The following DOCK10 variants were observed in gnomAD, a reference collection of about 807,000 sequenced individuals.
The protein encoded by DOCK10 is dedicator of cytokinesis protein 10.
Under a neutral mutation model 280.1 loss-of-function variants are expected in DOCK10, and 145 were observed. The ratio of observed to expected loss-of-function variants is 0.52; its 90% CI spans 0.45 to 0.59. DOCK10 has a LOEUF of 0.59. Ranked by LOEUF, DOCK10 falls within the 20% of genes least tolerant of loss-of-function variation. The probability of loss-of-function intolerance (pLI) is 0.00; values close to 1 mark genes in which losing one functional copy is unlikely to be tolerated. For missense variants in DOCK10, 2,368 were observed against 2,651.7 expected (o/e 0.89, Z 2.35); for synonymous variants, 915 against 942.2 (o/e 0.97, Z 0.53).
intron 50 of DOCK10, among the ~76,000 whole-genome samples, chr2:224,780,372 C>A (rs929473867): frequency 2.6e-5 from 4 of 152,138 alleles, no homozygotes; most frequent in Non-Finnish European, 5.9e-5. Flanking sequence ...ACTGACACAT[C>A]AGAGAAATAA....
At chr2:224,767,527 T>TAAA (rs1690139806) in intron 55 of DOCK10, among the ~76,000 whole-genome samples, 1 of 152,222 alleles carries the variant, frequency 6.6e-6, no homozygotes, top group Non-Finnish European at 1.5e-5. Flanking sequence ...TATGTTTTTT[T>TAAA]AAAGACTATG....
intron 7 of DOCK10, 108 bp from the exon 8 acceptor site, chr2:224,876,329 G>T: frequency 1.0e-6 from 1 of 985,730 alleles, no homozygotes; most frequent in Non-Finnish European, 1.4e-6. Flanking sequence ...CATACAGATA[G>T]ATAACATAAA....
rs139423029 is a variant in DOCK10, at chr2:224,866,841, A to G, written c.1258-1754T>C. ...AGATTTGGCTAGAGGCACTCATTCA[A>G]GGTAACTTCTGGGTATATTTTTGGC... On this transcript the variant is annotated intron_variant, in intron 11 of 55. Transcript: ENST00000258390. Among the ~76,000 whole-genome samples the G allele has an allele frequency of 5.6e-4, 85 of 152,250 alleles. 1 individual carries two copies. The East Asian group carries it at 0.011, about 20-fold the overall frequency.
intron 1 of DOCK10, among the ~76,000 whole-genome samples, chr2:225,031,544 GAGA>G (rs1360778405): frequency 1.3e-5 from 2 of 152,202 alleles, no homozygotes; most frequent in African/African-American, 4.8e-5. Context: ...TGTGAGCAGG[GAGA>G]AGGAGGTGAT....
At chr2:224,837,974 C>G in intron 24 of DOCK10, 143 bp from the exon 25 acceptor site, 1 of 685,418 alleles carries the variant, frequency 1.5e-6, no homozygotes, top group South Asian at 1.6e-5. Context: ...CTTCCTTGCC[C>G]TCCTCAGCCC....
chr2:224,817,820 AAAT>A (rs1301426570), intron 29 of DOCK10, among the ~76,000 whole-genome samples: 3 of 152,214 alleles, frequency 2.0e-5, no homozygotes, highest in African/African-American at 7.2e-5. Context: ...CATCTCCCAA[AAAT>A]AATGTTTAAG....
chr2:224,928,186 T>G (rs568309240), intron 2 of DOCK10, among the ~76,000 whole-genome samples: 4 of 152,314 alleles, frequency 2.6e-5, no homozygotes, highest in Admixed American at 1.3e-4. Flanking sequence ...ACGCCTATAT[T>G]CCACAAAGAG....
At chr2:224,796,935 C>T (rs1692619889) in intron 43 of DOCK10, 29 bp downstream of exon 43, 1 of 1,600,078 alleles carries the variant, frequency 6.2e-7, no homozygotes, top group Non-Finnish European at 8.5e-7. Context: ...GTTTTAACAA[C>T]AGCATTAATG....
chr2:225,001,366 T>G (rs895957990), intron 1 of DOCK10, among the ~76,000 whole-genome samples: 1 of 147,242 alleles, frequency 6.8e-6, no homozygotes, highest in Admixed American at 6.8e-5. Context: ...CTCAGCTCAC[T>G]GCAAGCTCCG....
chr2:224,826,935 C>A (rs1694905466), intron 27 of DOCK10, among the ~76,000 whole-genome samples: 1 of 149,746 alleles, frequency 6.7e-6, no homozygotes. Flanking sequence ...TGCACTCCAG[C>A]CTGGGCAACA....
intron 3 of DOCK10, among the ~76,000 whole-genome samples, chr2:224,916,243 A>G (rs1701303500): frequency 6.6e-6 from 1 of 152,118 alleles, no homozygotes; most frequent in Non-Finnish European, 1.5e-5. Context: ...TAAAAATACA[A>G]AAATTAGCCT....
chr2:224,894,758 T>A (rs542237682), intron 4 of DOCK10, among the ~76,000 whole-genome samples: 3 of 152,324 alleles, frequency 2.0e-5, no homozygotes. Context: ...AGGGACATAC[T>A]TTTTTTCTCT....
chr2:225,010,022 G>A lies in DOCK10; in HGVS notation c.123+32230C>T, dbSNP rs147458318. ...TTTCATGTGGCTAAGGAGCCTAAAG[G>A]TTGTCTGGGCAGTTCTTCTGGCATT... On this transcript the variant is annotated intron_variant, in intron 1 of 55. Coordinates refer to ENST00000258390, the MANE Select transcript of DOCK10 (RefSeq NM_014689.3). 1.9e-3 allele frequency among the ~76,000 whole-genome samples: 293 copies of A among 152,276 alleles called. 1 individual carries two copies. The highest frequency in any genetic ancestry group is 6.8e-3 in the African/African-American group (284 of 41,562).
intron 1 of DOCK10, among the ~76,000 whole-genome samples, chr2:225,040,231 C>T (rs1360069090): frequency 6.6e-6 from 1 of 152,128 alleles, no homozygotes; most frequent in Non-Finnish European, 1.5e-5. Context: ...TCCTGTTTCC[C>T]TTCAAGAGTT....
chr2:224,956,340 T>G (rs535246990), intron 1 of DOCK10, among the ~76,000 whole-genome samples: 1 of 152,256 alleles, frequency 6.6e-6, no homozygotes, highest in South Asian at 2.1e-4. Context: ...AGACCATCCA[T>G]TGGCGGGCAC....
At chr2:224,921,909 G>T (rs1276540097) in intron 2 of DOCK10, among the ~76,000 whole-genome samples, 1 of 151,878 alleles carries the variant, frequency 6.6e-6, no homozygotes, top group African/African-American at 2.4e-5. Flanking sequence ...AGACCAGCCT[G>T]ACCAACACGA....
At chr2:224,900,636 G>T (rs1176700914) in intron 3 of DOCK10, among the ~76,000 whole-genome samples, 1 of 152,188 alleles carries the variant, frequency 6.6e-6, no homozygotes, top group Non-Finnish European at 1.5e-5. Context: ...TTTTGGTTCT[G>T]CCATTTAATA....
At chr2:224,967,006 G>C (rs1704787258) in intron 1 of DOCK10, among the ~76,000 whole-genome samples, 2 of 151,616 alleles carry the variant, frequency 1.3e-5, no homozygotes, top group Admixed American at 6.6e-5. Flanking sequence ...GCTAAAACAA[G>C]AGTACATGAA....
At chr2:224,883,286 A>G (rs1348745626) in intron 7 of DOCK10, among the ~76,000 whole-genome samples, 1 of 152,216 alleles carries the variant, frequency 6.6e-6, no homozygotes, top group Non-Finnish European at 1.5e-5. Context: ...TGACTTCAAT[A>G]AAGAATTGAC....
Sources: gnomAD v4.1 joint callset for allele counts (sites outside exome capture counted in the v4.1 genomes callset) on GRCh38, gnomAD v4.1.1 for gene constraint, MANE v1.5 for transcripts, NCBI Gene and HGNC (gene_info 2026-07-23, HGNC 2026-07-21) for gene names.